Variants in ZKSCAN3 observed in about 807,000 individuals in gnomAD.
ZKSCAN3 encodes zinc finger protein with KRAB and SCAN domains 3.
Under a neutral mutation model 30.7 loss-of-function variants are expected in ZKSCAN3, and 21 were observed. The observed-to-expected ratio is 0.68, with a 90% confidence interval of 0.49 to 0.99. The LOEUF (loss-of-function observed/expected upper bound fraction) is 0.99, where lower values mean the gene tolerates loss of function less well. ZKSCAN3 is among the 50% of genes least tolerant of loss of function. The pLI is 0.00. For missense variants in ZKSCAN3, 507 were observed against 647.1 expected, an observed-to-expected ratio of 0.78 and a Z score of 2.35; for synonymous variants, 201 against 246.7, an observed-to-expected ratio of 0.81 and a Z score of 1.73.
In ZKSCAN3 at chr6:28,366,750, A is replaced by AG. The variant is rs1164404797; in HGVS notation, c.*466dup. On this transcript the variant is annotated 3_prime_UTR_variant, in exon 6 of 6. Transcript: ENST00000252211. ...CTAATAAATGTTTATTGAATGTACC[A>AG]GTGAGATTACCTTCATAGATCTGAA... The AG allele has an allele frequency of 6.5e-6, 1 of 153,440 alleles. No homozygotes were observed. The highest frequency in any genetic ancestry group is 1.5e-5 in the Non-Finnish European group (1 of 68,650). 9.5% of individuals were successfully genotyped at this position (153,440 alleles called of 1,614,324 possible). A position where few individuals can be genotyped will look rare whatever the true frequency, so the allele number is the denominator to read the frequency against.
intron 5 of ZKSCAN3, 60 bp downstream of exon 5, chr6:28,363,875 C>T: frequency 6.3e-7 from 1 of 1,588,798 alleles, no homozygotes; most frequent in Admixed American, 1.7e-5. Flanking sequence ...TATATTAGAA[C>T]CTGTTGAGCT....
In ZKSCAN3 at chr6:28,367,727, T is replaced by G. The variant is rs1413383614; in HGVS notation, c.*1442T>G. Reference sequence around the variant, plus strand: ...GCTCAATGGATTCACACCAAATTTTTTTTTTTTTTTTTAGACGGAGTCTTC... The same window carrying G: ...GCTCAATGGATTCACACCAAATTTTGTTTTTTTTTTTTAGACGGAGTCTTC... On this transcript the variant is annotated 3_prime_UTR_variant, in exon 6 of 6. Transcript: ENST00000252211. 2 of 151,428 alleles carry G rather than the reference T, an allele frequency of 1.3e-5. No individual in the cohort carries two copies. The highest frequency in any genetic ancestry group is 2.4e-5 in the African/African-American group (1 of 41,270). 9.4% of individuals were successfully genotyped at this position (151,428 alleles called of 1,614,324 possible).
chr6:28,350,401 G>T (rs1193437632), intron 1 of ZKSCAN3: 1 of 152,220 alleles, frequency 6.6e-6, no homozygotes, highest in Non-Finnish European at 1.5e-5. Flanking sequence ...CAGTTTCAAG[G>T]TCTTTAAATT....
chr6:28,353,636 G>A (rs1172898691), intron 1 of ZKSCAN3, among the ~76,000 whole-genome samples: 1 of 152,192 alleles, frequency 6.6e-6, no homozygotes, highest in Admixed American at 6.5e-5. Flanking sequence ...GGATTTGTTT[G>A]CAAGATTTCC....
At position 28,353,999 on chromosome 6, in the gene ZKSCAN3, C is replaced by G. The variant is rs545964565; in HGVS notation, c.-63+3932C>G. ...TTTTATTCAGCAGCAGCTGCTGCAG[C>G]TCTCACACTGTCTGCCTCTGTCTCG... is the stretch of plus-strand genomic sequence containing the variant. On this transcript the variant is annotated intron_variant, in intron 1 of 5. Coordinates refer to ENST00000252211, the MANE Select transcript of ZKSCAN3 (RefSeq NM_024493.4). The G allele has an allele frequency of 1.3e-4, 61 of 453,846 alleles. 1 individual carries two copies. The highest frequency in any genetic ancestry group is 9.5e-4 in the South Asian group (61 of 64,396). The allele number at this position is 453,846 out of a possible 1,614,324, so 28.1% of individuals were successfully genotyped here.
In ZKSCAN3 at chr6:28,351,524, T is replaced by G. The variant is rs982096216; in HGVS notation, c.-63+1457T>G. ...ACACATTTAATTGTAGAGAGAATGT[T>G]ACAATGAACACCAATATAACCATGA... is the stretch of plus-strand genomic sequence containing the variant. On this transcript the variant is annotated intron_variant, in intron 1 of 5. Coordinates refer to ENST00000252211, the MANE Select transcript of ZKSCAN3 (RefSeq NM_024493.4). This position sits in a 1 kb window ranked among gnomAD's most constrained non-coding sequence, Gnocchi z 4.6. Among the ~76,000 whole-genome samples, 1 of 152,248 alleles carries G rather than the reference T, an allele frequency of 6.6e-6. No homozygotes were observed. The highest frequency in any genetic ancestry group is 2.4e-5 in the African/African-American group (1 of 41,462).
chr6:28,350,929 A>G (rs569102962), intron 1 of ZKSCAN3, among the ~76,000 whole-genome samples: 4 of 152,288 alleles, frequency 2.6e-5, no homozygotes, highest in South Asian at 2.1e-4. Context: ...AGTTTTTAAT[A>G]GTGAAAAAGG....
At position 28,365,487 on chromosome 6, in the gene ZKSCAN3, G is replaced by T. The variant is rs1234917554; in HGVS notation, c.819G>T (p.Glu273Asp). The change falls in exon 6 of 6, where the codon GAG becomes GAT. Residue 273 changes from glutamate (E) to aspartate (D), a missense_variant. Glu to Asp is a conservative substitution (Grantham distance 45). Coordinates refer to ENST00000252211, the MANE Select transcript of ZKSCAN3 (RefSeq NM_024493.4). ...CAGCTGAGGAGCTTCCAGAAAAGGA[G>T]CATGGGAAGATATCGTGCCACCTGA... ...LPPAEELPEK[E>D]HGKISCHLRE... 2 of 1,614,096 alleles carry T rather than the reference G, an allele frequency of 1.2e-6. No homozygotes were observed. Among genetic ancestry groups the T allele is most frequent in the Non-Finnish European group, 1.7e-6 (2 of 1,180,034 alleles).
chr6:28,350,565 C>G (rs1764931816), intron 1 of ZKSCAN3, among the ~76,000 whole-genome samples: 1 of 152,170 alleles, frequency 6.6e-6, no homozygotes, highest in Admixed American at 6.5e-5. Flanking sequence ...ATAATATTCC[C>G]TAACTCACTG....
In ZKSCAN3 at chr6:28,365,978, G is replaced by A. The variant is rs1385093153; in HGVS notation, c.1310G>A (p.Arg437Gln). Residue 437 changes from arginine (R) to glutamine (Q), a missense_variant, in exon 6 of 6, where the codon CGA becomes CAA. Physicochemically the swap from Arg to Gln is conservative, Grantham distance 43. Transcript: ENST00000252211. Reference sequence around the variant, plus strand: ...AGTATGTGTGGCAAAGCCTTTAGGCGAAGTTCACATCTCCTGAGACATCAG... The same window carrying A: ...AGTATGTGTGGCAAAGCCTTTAGGCAAAGTTCACATCTCCTGAGACATCAG... ...QCSMCGKAFR[R>Q]SSHLLRHQRI... 1.1e-5 allele frequency: 18 copies of A among 1,614,044 alleles called. No homozygotes were observed. The highest frequency in any genetic ancestry group is 1.6e-4 in the Middle Eastern group (1 of 6,084).
chr6:28,359,416 C>A, intron 1 of ZKSCAN3, 109 bp from the exon 2 acceptor site: 1 of 789,338 alleles, frequency 1.3e-6, no homozygotes, highest in Non-Finnish European at 2.0e-6. Flanking sequence ...AACCACTGAA[C>A]ATGGAGAAAT....
intron 1 of ZKSCAN3, chr6:28,353,624 T>A: frequency 3.4e-6 from 1 of 292,252 alleles, no homozygotes; most frequent in Non-Finnish European, 6.9e-6. Context: ...GCATATTGAA[T>A]TGGATTTGTT....
At chr6:28,361,284 G>A in intron 2 of ZKSCAN3, 40 bp from the exon 3 acceptor site, 7 of 1,604,562 alleles carry the variant, frequency 4.4e-6, no homozygotes, top group Non-Finnish European at 5.9e-6. Context: ...CTATGGAAGT[G>A]TTTGATGAAA....
At position 28,366,259 on chromosome 6, in the gene ZKSCAN3, G is replaced by A. The variant is rs1765965207; in HGVS notation, c.1591G>A (p.Val531Ile). The A allele has an allele frequency of 9.1e-6, 14 of 1,539,928 alleles. No individual in the cohort carries two copies. Among genetic ancestry groups the A allele is most frequent in the Non-Finnish European group, 1.2e-5 (14 of 1,148,686 alleles). Residue 531 changes from valine to isoleucine, a missense_variant, in exon 6 of 6, where the codon GTA (valine) becomes ATA (isoleucine). Transcript: ENST00000252211. ...CCTTGTTCAACATCAGAGAAGCCATGTAGGGAAAAACATCCTATCACAGTG... is the reference window on the plus strand; with the variant it reads ...CCTTGTTCAACATCAGAGAAGCCATATAGGGAAAAACATCCTATCACAGTG... ...SYLVQHQRSHVGKNILSQ is the reference protein window; with the variant it reads ...SYLVQHQRSHIGKNILSQ
chr6:28,359,392 G>A, intron 1 of ZKSCAN3, 133 bp from the exon 2 acceptor site: 1 of 669,782 alleles, frequency 1.5e-6, no homozygotes, highest in Non-Finnish European at 2.5e-6. Context: ...GTGGTGTAGA[G>A]GATTAAGCTG....
Position 28,366,260 on chromosome 6 carries a change from T to C in ZKSCAN3, c.1592T>C (p.Val531Ala). ...SYLVQHQRSH[V>A]GKNILSQ is the part of the protein sequence containing the mutation. ...CTTGTTCAACATCAGAGAAGCCATGTAGGGAAAAACATCCTATCACAGTGA... is the reference window on the plus strand; with the variant it reads ...CTTGTTCAACATCAGAGAAGCCATGCAGGGAAAAACATCCTATCACAGTGA... The change falls in exon 6 of 6, where the codon GTA becomes GCA. Residue 531 changes from valine (V) to alanine (A), a missense_variant. Transcript: ENST00000252211. The C allele has an allele frequency of 6.5e-7, 1 of 1,539,724 alleles. No homozygotes were observed. Among genetic ancestry groups the C allele is most frequent in the Non-Finnish European group, 8.7e-7 (1 of 1,148,624 alleles).
In ZKSCAN3 at chr6:28,359,883, G is replaced by C. The variant is rs748119004; in HGVS notation, c.297G>C (p.Pro99=). The change falls in exon 2 of 6, where the codon CCG becomes CCC. Residue 99 remains proline (P), a synonymous_variant. Transcript: ENST00000252211. ...LVLEQFLTIL[P]GNLQSWVREQ... ...TGGAGCAGTTCCTGACCATCCTGCC[G>C]GGGAATCTGCAGAGCTGGGTGCGGG... is the stretch of plus-strand genomic sequence containing the variant. The C allele has an allele frequency of 1.2e-6, 2 of 1,613,978 alleles. No homozygotes were observed. Among genetic ancestry groups the C allele is most frequent in the South Asian group, 2.2e-5 (2 of 91,094 alleles).
chr6:28,356,648 G>GTCCAGCAGGGACTGGGCATGCCCT (rs1765447526), intron 1 of ZKSCAN3, among the ~76,000 whole-genome samples: 2 of 152,240 alleles, frequency 1.3e-5, no homozygotes, highest in African/African-American at 4.8e-5. Flanking sequence ...CCTGCACTGC[G>GTCCAGCAGGGACTGGGCATGCCCT]TCCAGCAGGG....
chr6:28,366,419 A>G lies in ZKSCAN3; in HGVS notation c.*134A>G. On this transcript the variant is annotated 3_prime_UTR_variant, in exon 6 of 6. Coordinates refer to ENST00000252211, the MANE Select transcript of ZKSCAN3 (RefSeq NM_024493.4). The stretch of plus-strand genomic sequence containing the variant: ...CATTATCAGGTGTTAGAAAATGTAG[A>G]CTGGGTTAGACAAATTATCTTCTAA... The G allele has an allele frequency of 1.0e-6, 1 of 975,204 alleles. No individual in the cohort carries two copies. The highest frequency in any genetic ancestry group is 2.2e-4 in the Middle Eastern group (1 of 4,454). 60.4% of individuals were successfully genotyped at this position (975,204 alleles called of 1,614,324 possible). A position where few individuals can be genotyped will look rare whatever the true frequency, so the allele number is the denominator to read the frequency against.
Sources: allele counts gnomAD v4.1 joint callset (sites outside exome capture counted in the v4.1 genomes callset), GRCh38; gene constraint gnomAD v4.1.1; non-coding constraint Gnocchi (gnomAD v3.1); transcripts MANE v1.5; gene names NCBI Gene and HGNC (gene_info 2026-07-23, HGNC 2026-07-21).